The following PKHD1 variants were observed in gnomAD, a reference collection of about 807,000 sequenced individuals.
The protein encoded by PKHD1 is fibrocystin.
In PKHD1, 291 loss-of-function variants were observed where a neutral mutation model predicts 412.0. The ratio of observed to expected loss-of-function variants is 0.71; its 90% CI spans 0.64 to 0.78. PKHD1 has a LOEUF of 0.78. Ranked by LOEUF, PKHD1 falls within the 30% of genes least tolerant of loss-of-function variation. PKHD1 has a pLI of 0.00. For missense variants in PKHD1, 4,825 were observed against 4,950.7 expected, an observed-to-expected ratio of 0.97 and a Z score of 0.76; for synonymous variants, 1,777 against 1,821.5, an observed-to-expected ratio of 0.98 and a Z score of 0.62.
chr6:51,834,879 G>A (rs997227680), intron 51 of PKHD1, among the ~76,000 whole-genome samples: 1 of 152,130 alleles, frequency 6.6e-6, no homozygotes, highest in Non-Finnish European at 1.5e-5. Context: ...AGGCTACATT[G>A]TATAGCACAA....
At chr6:52,008,760 C>G (rs1439765357) in intron 35 of PKHD1, among the ~76,000 whole-genome samples, 1 of 152,072 alleles carries the variant, frequency 6.6e-6, no homozygotes, top group African/African-American at 2.4e-5. Flanking sequence ...CTATTATTGA[C>G]CCTACTTTAC....
At chr6:52,041,967 T>C (rs1804953766) in intron 27 of PKHD1, among the ~76,000 whole-genome samples, 1 of 152,140 alleles carries the variant, frequency 6.6e-6, no homozygotes, top group South Asian at 2.1e-4. Context: ...ACAGCAAAGG[T>C]AACTTTGAAA....
chr6:52,017,728 A>G (rs774556335), intron 33 of PKHD1, 99 bp from the exon 34 acceptor site: 1 of 850,608 alleles, frequency 1.2e-6, no homozygotes, highest in East Asian at 2.5e-5. Context: ...TTTGACCAAT[A>G]GGAATATGAA....
chr6:51,949,503 A>AAGAAAC (rs1789989511), intron 36 of PKHD1, among the ~76,000 whole-genome samples: 1 of 152,148 alleles, frequency 6.6e-6, no homozygotes, highest in Non-Finnish European at 1.5e-5. Flanking sequence ...CCACAGCCCA[A>AAGAAAC]AGAAACCTGC....
chr6:51,932,032 A>G lies in PKHD1; in HGVS notation c.6121+2078T>C, dbSNP rs186741209. Among the ~76,000 whole-genome samples the G allele has an allele frequency of 1.9e-3, 290 of 152,060 alleles. 1 individual carries two copies. The highest frequency in any genetic ancestry group is 0.018 in the East Asian group (94 of 5,156). On this transcript the variant is annotated intron_variant, in intron 37 of 66. Coordinates refer to ENST00000371117, the MANE Select transcript of PKHD1 (RefSeq NM_138694.4). ...AGGAAGGAGGAGATGGAAATGAGGA[A>G]AGCAGAGGGAGAGGAGGTCTCATTC... is the stretch of plus-strand genomic sequence containing the variant.
chr6:52,077,377 A>T (rs1185564857), intron 5 of PKHD1, among the ~76,000 whole-genome samples: 1 of 152,120 alleles, frequency 6.6e-6, no homozygotes, highest in Non-Finnish European at 1.5e-5. Flanking sequence ...CCAATTACTT[A>T]CCTAGGAAGA....
chr6:51,718,220 C>T (rs1163784167), intron 60 of PKHD1, among the ~76,000 whole-genome samples: 2 of 152,148 alleles, frequency 1.3e-5, no homozygotes, highest in African/African-American at 4.8e-5. Flanking sequence ...TTCCCTTATC[C>T]CTTCAAATCA....
At chr6:51,638,604 T>A (rs1314127649) in intron 64 of PKHD1, among the ~76,000 whole-genome samples, 1 of 152,118 alleles carries the variant, frequency 6.6e-6, no homozygotes, top group Admixed American at 6.6e-5. Flanking sequence ...ACACTGAACG[T>A]AAACGTCAAT....
chr6:51,855,975 G>T lies in PKHD1; in HGVS notation c.7829C>A (p.Pro2610His). 6.2e-7 allele frequency: 1 copy of T among 1,612,394 alleles called. No homozygotes were observed. Residue 2610 changes from proline to histidine, a missense_variant, in exon 49 of 67, where the codon CCT becomes CAT. Physicochemically the swap from Pro to His is moderately conservative, Grantham distance 77. Coordinates refer to ENST00000371117, the MANE Select transcript of PKHD1 (RefSeq NM_138694.4). ...VNYVRDTLSN[P>H]RGWMALLLDQ... ...CAAGAGCAGAGCCATCCAGCCACGA[G>T]GGTTAGACAATGTATCACGTACATA...
chr6:51,638,331 A>C (rs1768856390), intron 64 of PKHD1, among the ~76,000 whole-genome samples: 2 of 152,176 alleles, frequency 1.3e-5, no homozygotes, highest in South Asian at 4.1e-4. Context: ...TATTTTCATG[A>C]GAGTCACATT....
intron 20 of PKHD1, among the ~76,000 whole-genome samples, chr6:52,053,678 C>T (rs1484726817): frequency 2.0e-5 from 3 of 152,178 alleles, no homozygotes; most frequent in African/African-American, 7.2e-5. Context: ...ATCAAGACAG[C>T]TGAATTTTAT....
At chr6:51,846,622 G>A (rs1471031745) in intron 50 of PKHD1, among the ~76,000 whole-genome samples, 1 of 152,110 alleles carries the variant, frequency 6.6e-6, no homozygotes, top group African/African-American at 2.4e-5. Flanking sequence ...CAAAAGAAGT[G>A]GATGGTCCTG....
chr6:51,894,278 T>C (rs766898938), intron 43 of PKHD1, among the ~76,000 whole-genome samples: 1 of 152,088 alleles, frequency 6.6e-6, no homozygotes, highest in Non-Finnish European at 1.5e-5. Context: ...ATTTAAGAAA[T>C]GTACCAGGGA....
intron 63 of PKHD1, among the ~76,000 whole-genome samples, chr6:51,640,249 C>T (rs904279009): frequency 3.9e-5 from 6 of 152,144 alleles, no homozygotes; most frequent in Non-Finnish European, 8.8e-5. Context: ...AGCATTTAAT[C>T]GAAATGTGTC....
At chr6:51,679,322 T>C (rs541506155) in intron 60 of PKHD1, among the ~76,000 whole-genome samples, 33 of 152,162 alleles carry the variant, frequency 2.2e-4, no homozygotes, top group African/African-American at 7.7e-4. Context: ...GTGCCTATAC[T>C]ACTCACTGGA....
intron 33 of PKHD1, 84 bp downstream of exon 33, chr6:52,022,717 A>T: frequency 1.4e-6 from 2 of 1,388,736 alleles, no homozygotes; most frequent in Non-Finnish European, 2.0e-6. Context: ...TCAGTACAGC[A>T]TTAATCACAA....
chr6:51,898,234 C>T (rs1347570649), intron 43 of PKHD1, among the ~76,000 whole-genome samples: 1 of 151,388 alleles, frequency 6.6e-6, no homozygotes, highest in Non-Finnish European at 1.5e-5. Context: ...CCACACCACA[C>T]CTATTCCAAA....
At chr6:51,671,600 T>C (rs1774988577) in intron 60 of PKHD1, among the ~76,000 whole-genome samples, 2 of 152,180 alleles carry the variant, frequency 1.3e-5, no homozygotes, top group Admixed American at 6.5e-5. Flanking sequence ...AGGAACTGCG[T>C]TCCTTTGGAG....
intron 46 of PKHD1, among the ~76,000 whole-genome samples, chr6:51,879,018 C>T (rs1390291564): frequency 2.2e-5 from 2 of 89,194 alleles, no homozygotes. Flanking sequence ...TTCACAATTG[C>T]TTCAAAGAGA....
Sources: allele counts gnomAD v4.1 joint callset (sites outside exome capture counted in the v4.1 genomes callset), GRCh38; gene constraint gnomAD v4.1.1; transcripts MANE v1.5; gene names NCBI Gene and HGNC (gene_info 2026-07-23, HGNC 2026-07-21).